Variants in JAK2 observed in about 807,000 individuals in gnomAD.
JAK2 encodes the protein tyrosine-protein kinase JAK2.
JAK2 carries 86 observed loss-of-function variants against 139.3 expected under a neutral mutation model. The ratio of observed to expected loss-of-function variants is 0.62; its 90% CI spans 0.52 to 0.74. JAK2 has a LOEUF of 0.74. JAK2 is among the 30% of genes least tolerant of loss of function. The probability of loss-of-function intolerance (pLI) is 0.00; values close to 1 mark genes in which losing one functional copy is unlikely to be tolerated. For synonymous variants in JAK2, 490 were observed against 437.7 expected (o/e 1.12, Z -1.49); for missense variants, 1,421 against 1,360.3 (o/e 1.04, Z -0.70).
At chr9:5,061,314 G>A (rs955828727) in intron 8 of JAK2, among the ~76,000 whole-genome samples, 7 of 152,200 alleles carry the variant, frequency 4.6e-5, no homozygotes, top group Admixed American at 6.5e-5. Flanking sequence ...AGCTGTGGAA[G>A]TCCTAGATGG....
Position 5,080,686 on chromosome 9 carries a change from A to G in JAK2, c.2434+3A>G. On this transcript the variant is annotated splice_donor_region_variant and intron_variant, in intron 18 of 24. Transcript: ENST00000381652. ...TCTTAACAGTTTGTTTACTCCAGGTATGTATTTGAATGATCTTATTGATTT... is the reference window on the plus strand; with the variant it reads ...TCTTAACAGTTTGTTTACTCCAGGTGTGTATTTGAATGATCTTATTGATTT... 2 of 1,543,390 alleles carry G rather than the reference A, an allele frequency of 1.3e-6. No homozygotes were observed. The highest frequency in any genetic ancestry group is 2.3e-5 in the East Asian group (1 of 43,348).
In JAK2 at chr9:4,997,797, C is replaced by CT. The variant is rs1393858452; in HGVS notation, c.-26+11776dup. ...GAAAATAGTGCATGATAGTATAAGT[C>CT]TATCTGATTGATGAGTAACTGGAAA... is the stretch of plus-strand genomic sequence containing the variant. On this transcript the variant is annotated intron_variant, in intron 2 of 24. Transcript: ENST00000381652. Among the ~76,000 whole-genome samples the CT allele has an allele frequency of 2.6e-5, 4 of 152,288 alleles. No individual in the cohort carries two copies. In the East Asian group the frequency reaches 7.7e-4, roughly 29 times the overall value.
At chr9:4,994,233 T>C (rs1318314786) in intron 2 of JAK2, among the ~76,000 whole-genome samples, 1 of 152,220 alleles carries the variant, frequency 6.6e-6, no homozygotes. Context: ...AATTAGCCTA[T>C]GGAAAAATGG....
chr9:5,089,537 C>CAA (rs58042774), intron 19 of JAK2, 137 bp from the exon 20 acceptor site: 44 of 87,064 alleles, frequency 5.1e-4, no homozygotes, highest in South Asian at 2.3e-3. Context: ...GACTTCGTCT[C>CAA]AAAAAAAAAA....
rs375611475 is a variant in JAK2, at chr9:5,119,089, A to T, written c.3060-3915A>T. 1.2e-4 allele frequency among the ~76,000 whole-genome samples: 18 copies of T among 152,320 alleles called. No individual in the cohort carries two copies. In the East Asian group the frequency reaches 2.5e-3, roughly 21 times the overall value. Reference sequence around the variant, plus strand: ...TATTTTATCATGTTTTAAATATATGATTTAAACACAGCAAACCTCTCAGCT... The same window carrying T: ...TATTTTATCATGTTTTAAATATATGTTTTAAACACAGCAAACCTCTCAGCT... On this transcript the variant is annotated intron_variant, in intron 22 of 24. Transcript: ENST00000381652.
chr9:5,085,370 C>G (rs931226548), intron 19 of JAK2: 6 of 904,740 alleles, frequency 6.6e-6, no homozygotes, highest in Non-Finnish European at 1.1e-5. Context: ...TAGGTGATCT[C>G]ATGCACCACT....
chr9:4,988,179 C>T (rs1185281403), intron 2 of JAK2, among the ~76,000 whole-genome samples: 6 of 152,104 alleles, frequency 3.9e-5, no homozygotes. Flanking sequence ...CCTTTTAGAC[C>T]CCTCCTCTTA....
In JAK2 at chr9:5,104,723, C is replaced by G. The variant is rs563495476; in HGVS notation, c.3059+13812C>G. ...AGCTTATCAACCACGATCAAGTCGGCTTCATCCCTAGGATGCAAGGCTGGT... is the reference window on the plus strand; with the variant it reads ...AGCTTATCAACCACGATCAAGTCGGGTTCATCCCTAGGATGCAAGGCTGGT... On this transcript the variant is annotated intron_variant, in intron 22 of 24. Transcript: ENST00000381652. Among the ~76,000 whole-genome samples the G allele has an allele frequency of 7.2e-5, 11 of 152,330 alleles. No individual in the cohort carries two copies. In the East Asian group the frequency reaches 2.1e-3, roughly 29 times the overall value.
At chr9:5,117,663 TTAAA>T (rs1216108705) in intron 22 of JAK2, among the ~76,000 whole-genome samples, 5 of 139,934 alleles carry the variant, frequency 3.6e-5, no homozygotes, top group Non-Finnish European at 7.8e-5. Context: ...TGGTTTTATC[TTAAA>T]TAAATTAATA....
At chr9:5,046,020 C>T (rs1586697502) in intron 5 of JAK2, among the ~76,000 whole-genome samples, 1 of 152,092 alleles carries the variant, frequency 6.6e-6, no homozygotes. Context: ...CACAAGTGTT[C>T]CAATTTCTCA....
chr9:5,035,892 T>A (rs201628792), intron 4 of JAK2, among the ~76,000 whole-genome samples: 4 of 152,296 alleles, frequency 2.6e-5, no homozygotes, highest in East Asian at 3.9e-4. Flanking sequence ...GCAGTCAGGC[T>A]GGAGAAGGAA....
Position 5,126,685 on chromosome 9 carries a change from T to C in JAK2, c.3293T>C (p.Ile1098Thr). 6.2e-7 allele frequency: 1 copy of C among 1,601,682 alleles called. No homozygotes were observed. Among genetic ancestry groups the C allele is most frequent in the South Asian group, 1.1e-5 (1 of 89,954 alleles). The change falls in exon 25 of 25, where the codon ATC (isoleucine) becomes ACC (threonine). Residue 1098 changes from isoleucine (I) to threonine (T), a missense_variant and splice_region_variant. Physicochemically the swap from Ile to Thr is moderately conservative, Grantham distance 89. Coordinates refer to ENST00000381652, the MANE Select transcript of JAK2 (RefSeq NM_004972.4). The stretch of plus-strand genomic sequence containing the variant: ...TTTGGTTTATTTTCTCCTTTACAGA[T>C]CTATATGATCATGACAGAATGCTGG... Reference protein sequence around the residue: ...LPRPDGCPDEIYMIMTECWNN... With the variant: ...LPRPDGCPDETYMIMTECWNN...
At chr9:5,032,175 C>A (rs961842480) in intron 4 of JAK2, among the ~76,000 whole-genome samples, 2 of 152,226 alleles carry the variant, frequency 1.3e-5, no homozygotes, top group African/African-American at 4.8e-5. Context: ...TGAGATCAAA[C>A]TGCAAGGTGG....
chr9:5,040,139 A>C (rs1816374748), intron 4 of JAK2, among the ~76,000 whole-genome samples: 1 of 152,210 alleles, frequency 6.6e-6, no homozygotes, highest in Non-Finnish European at 1.5e-5. Flanking sequence ...TGACAGTCTC[A>C]ATATAATTTC....
At chr9:5,031,570 T>C (rs1004905968) in intron 4 of JAK2, among the ~76,000 whole-genome samples, 1 of 152,196 alleles carries the variant, frequency 6.6e-6, no homozygotes, top group Non-Finnish European at 1.5e-5. Context: ...AATTATAGAT[T>C]GATTAAAGAT....
intron 2 of JAK2, among the ~76,000 whole-genome samples, chr9:5,015,147 T>C (rs1435242940): frequency 6.6e-6 from 1 of 152,224 alleles, no homozygotes; most frequent in Non-Finnish European, 1.5e-5. Flanking sequence ...GATTCTGTAG[T>C]ATAAATGCAC....
At chr9:5,024,668 G>A (rs1265152095) in intron 3 of JAK2, among the ~76,000 whole-genome samples, 2 of 152,058 alleles carry the variant, frequency 1.3e-5, no homozygotes, top group African/African-American at 2.4e-5. Context: ...TTTATTGTTT[G>A]CCTCAACTTT....
At chr9:5,110,821 G>C (rs1178567794) in intron 22 of JAK2, 2 of 441,534 alleles carry the variant, frequency 4.5e-6, no homozygotes, top group Non-Finnish European at 8.7e-6. Flanking sequence ...CTGCTGCATC[G>C]CCCGTTTGTT....
chr9:5,029,878 A>G lies in JAK2; in HGVS notation c.322A>G (p.Thr108Ala), dbSNP rs751548297. The G allele has an allele frequency of 1.2e-5, 19 of 1,612,670 alleles. No individual in the cohort carries two copies. The highest frequency in any genetic ancestry group is 1.4e-5 in the Non-Finnish European group (17 of 1,179,216). The change falls in exon 4 of 25, where the codon ACC becomes GCC. Residue 108 changes from threonine to alanine, a missense_variant. Thr to Ala is a moderately conservative substitution (Grantham distance 58). Coordinates refer to ENST00000381652, the MANE Select transcript of JAK2 (RefSeq NM_004972.4). ...PNHVFHIDES[T>A]RHNVLYRIRF... ...CCATGTCTTCCATATAGATGAGTCA[A>G]CCAGGCATAATGTACTCTACAGAAT...
Sources: allele counts gnomAD v4.1 joint callset (sites outside exome capture counted in the v4.1 genomes callset), GRCh38; gene constraint gnomAD v4.1.1; transcripts MANE v1.5; gene names NCBI Gene and HGNC (gene_info 2026-07-23, HGNC 2026-07-21).